GLUD1: variants seen among roughly 807,000 people sequenced by gnomAD.
GLUD1 encodes glutamate dehydrogenase 1, mitochondrial.
In GLUD1, 22 loss-of-function variants were observed where a neutral mutation model predicts 56.0. That is an observed-to-expected ratio of 0.39 (90% CI 0.28 to 0.56). The LOEUF (loss-of-function observed/expected upper bound fraction) is 0.56, where lower values mean the gene tolerates loss of function less well. GLUD1 is among the 20% of genes least tolerant of loss of function. The pLI, the probability that GLUD1 is intolerant of heterozygous loss-of-function variation, is 0.58. For synonymous variants in GLUD1, 223 were observed against 269.9 expected (o/e 0.83, Z 1.70); for missense variants, 451 against 732.0 (o/e 0.62, Z 4.43).
At position 87,062,836 on chromosome 10, in the gene GLUD1, C is replaced by G; in HGVS notation, c.742-1G>C. ...TAACACAGGCGTGTGCATTAATATC[C>G]TGTAAGAGGGGGTAATTGAAAGAAT... On this transcript the variant is annotated splice_acceptor_variant, in intron 5 of 12. Coordinates refer to ENST00000277865, the MANE Select transcript of GLUD1 (RefSeq NM_005271.5). LOFTEE classifies it high-confidence loss of function. 6.2e-7 allele frequency: 1 copy of G among 1,613,476 alleles called. No individual in the cohort carries two copies. Among genetic ancestry groups the G allele is most frequent in the Non-Finnish European group, 8.5e-7 (1 of 1,179,472 alleles).
intron 1 of GLUD1, among the ~76,000 whole-genome samples, chr10:87,078,266 A>G (rs1366060602): frequency 6.6e-6 from 1 of 152,078 alleles, no homozygotes; most frequent in East Asian, 1.9e-4. Flanking sequence ...ATTACAGGTA[A>G]TTTTTCCAGC....
intron 1 of GLUD1, among the ~76,000 whole-genome samples, chr10:87,081,753 GCTCGTTAAGAGTCATCACCA>G: frequency 6.6e-6 from 1 of 151,820 alleles, no homozygotes; most frequent in African/African-American, 2.4e-5. Context: ...AAGGCAGCAT[GCTCGTTAAGAGTCATCACCA>G]CTCCCTAATC....
intron 1 of GLUD1, among the ~76,000 whole-genome samples, chr10:87,080,835 C>T (rs1382375831): frequency 4.0e-5 from 6 of 151,392 alleles, no homozygotes; most frequent in Non-Finnish European, 8.9e-5. Context: ...CCGACCTGTC[C>T]GGGAGGGAGG....
Position 87,051,028 on chromosome 10 carries a change from G to A in GLUD1, c.*723C>T, listed in dbSNP as rs936760918. On this transcript the variant is annotated 3_prime_UTR_variant, in exon 13 of 13. Coordinates refer to ENST00000277865, the MANE Select transcript of GLUD1 (RefSeq NM_005271.5). ...ATGAAGATAACTTAATTATCCACAG[G>A]GCTTTTAATGTCTGCTGGACAATAC... is the stretch of plus-strand genomic sequence containing the variant. The A allele has an allele frequency of 6.4e-5, 10 of 155,408 alleles. No homozygotes were observed. The highest frequency in any genetic ancestry group is 2.4e-4 in the African/African-American group (10 of 41,396). 9.6% of individuals were successfully genotyped at this position (155,408 alleles called of 1,614,324 possible). A position where few individuals can be genotyped will look rare whatever the true frequency, so the allele number is the denominator to read the frequency against.
intron 1 of GLUD1, among the ~76,000 whole-genome samples, chr10:87,093,149 G>GT (rs1839691108): frequency 6.6e-6 from 1 of 152,174 alleles, no homozygotes; most frequent in African/African-American, 2.4e-5. Flanking sequence ...CACCGCTCAA[G>GT]TTTTTTCCGG....
chr10:87,088,856 A>G (rs930239206), intron 1 of GLUD1, among the ~76,000 whole-genome samples: 2 of 152,258 alleles, frequency 1.3e-5, no homozygotes, highest in East Asian at 3.8e-4. Context: ...GAAAATCTTT[A>G]AAGATAAATG....
intron 1 of GLUD1, among the ~76,000 whole-genome samples, chr10:87,077,336 A>T (rs572918056): frequency 6.6e-6 from 1 of 152,218 alleles, no homozygotes; most frequent in East Asian, 1.9e-4. Flanking sequence ...GATAATTCAC[A>T]AACATGGGCA....
At chr10:87,072,567 A>C (rs1846268090) in intron 4 of GLUD1, among the ~76,000 whole-genome samples, 1 of 152,232 alleles carries the variant, frequency 6.6e-6, no homozygotes, top group South Asian at 2.1e-4. Flanking sequence ...CCAAGACGTC[A>C]ATTTAACTGC....
chr10:87,056,940 G>A (rs993943399), intron 11 of GLUD1, among the ~76,000 whole-genome samples: 3 of 150,470 alleles, frequency 2.0e-5, no homozygotes, highest in African/African-American at 7.3e-5. Flanking sequence ...TCATTTACTG[G>A]TAAAGAAGTT....
intron 5 of GLUD1, among the ~76,000 whole-genome samples, chr10:87,065,934 C>T (rs892885374): frequency 6.6e-6 from 1 of 152,136 alleles, no homozygotes; most frequent in Non-Finnish European, 1.5e-5. Flanking sequence ...TGCCCATGTT[C>T]CCAGCCACAG....
chr10:87,077,557 G>C (rs1347838692), intron 1 of GLUD1, among the ~76,000 whole-genome samples: 1 of 149,824 alleles, frequency 6.7e-6, no homozygotes, highest in Non-Finnish European at 1.5e-5. Flanking sequence ...CAGACAGGTA[G>C]GTACTAGTGC....
chr10:87,070,367 G>A (rs1428541035), intron 4 of GLUD1, among the ~76,000 whole-genome samples: 1 of 152,182 alleles, frequency 6.6e-6, no homozygotes, highest in Non-Finnish European at 1.5e-5. Flanking sequence ...TTGGGAGGCC[G>A]AGGTGGGCTG....
chr10:87,063,127 G>A (rs1845979526), intron 5 of GLUD1, among the ~76,000 whole-genome samples: 2 of 151,414 alleles, frequency 1.3e-5, no homozygotes, highest in South Asian at 2.1e-4. Context: ...AGGCTGGAGT[G>A]CAATGGTGAG....
intron 1 of GLUD1, among the ~76,000 whole-genome samples, chr10:87,078,638 C>T (rs934850895): frequency 5.3e-5 from 8 of 152,050 alleles, no homozygotes; most frequent in African/African-American, 1.9e-4. Context: ...GAAAGAAAAG[C>T]TATGGCCACA....
At chr10:87,087,119 C>T (rs1353833932) in intron 1 of GLUD1, among the ~76,000 whole-genome samples, 2 of 152,190 alleles carry the variant, frequency 1.3e-5, no homozygotes, top group African/African-American at 2.4e-5. Flanking sequence ...TCCCATGGCC[C>T]CCTCCTCAGG....
At chr10:87,071,659 A>G (rs1362207894) in intron 4 of GLUD1, among the ~76,000 whole-genome samples, 1 of 152,248 alleles carries the variant, frequency 6.6e-6, no homozygotes, top group African/African-American at 2.4e-5. Context: ...TGCAGAACTT[A>G]GGTGATATTT....
chr10:87,091,650 T>A (rs915830219), intron 1 of GLUD1: 1 of 805,306 alleles, frequency 1.2e-6, no homozygotes, highest in African/African-American at 1.9e-5. Flanking sequence ...ACAAAAACAG[T>A]GTGTATTATT....
In GLUD1 at chr10:87,094,012, G is replaced by GTGTGT; in HGVS notation, c.445+312_445+313insACACA. On this transcript the variant is annotated intron_variant, in intron 1 of 12. Coordinates refer to ENST00000277865, the MANE Select transcript of GLUD1 (RefSeq NM_005271.5). The surrounding 1 kb of genome is among the most constrained non-coding windows in gnomAD (Gnocchi z 6.6). ...CTAGAAGTGCATTTCGGCAGGACCC[G>GTGTGT]CCGTGTGTGACACAGACACCGGGAC... 6.8e-7 allele frequency: 1 copy of GTGTGT among 1,469,080 alleles called. No homozygotes were observed. Among genetic ancestry groups the GTGTGT allele is most frequent in the South Asian group, 1.2e-5 (1 of 82,654 alleles). 91.0% of individuals were successfully genotyped at this position (1,469,080 alleles called of 1,614,324 possible).
chr10:87,061,772 T>C (rs1345425724), intron 6 of GLUD1, among the ~76,000 whole-genome samples: 1 of 151,348 alleles, frequency 6.6e-6, no homozygotes, highest in African/African-American at 2.4e-5. Context: ...GCCGCCATCA[T>C]GCCCAGCTAA....
Sources: gnomAD v4.1 joint callset for allele counts (sites outside exome capture counted in the v4.1 genomes callset) on GRCh38, gnomAD v4.1.1 for gene constraint, Gnocchi (gnomAD v3.1) non-coding constraint, MANE v1.5 for transcripts, NCBI Gene and HGNC (gene_info 2026-07-23, HGNC 2026-07-21) for gene names.